Variants in RB1CC1 observed in about 807,000 individuals in gnomAD.
RB1CC1 encodes the protein RB1 inducible coiled-coil 1, also known as RB1-inducible coiled-coil protein 1.
A neutral mutation model predicts 177.5 loss-of-function variants in RB1CC1; 46 were observed. That is an observed-to-expected ratio of 0.26 (90% CI 0.20 to 0.33). The LOEUF (loss-of-function observed/expected upper bound fraction) is 0.33. Ranked by LOEUF, RB1CC1 falls within the 10% of genes least tolerant of loss-of-function variation. The probability of loss-of-function intolerance (pLI) is 1.00; values close to 1 mark genes in which losing one functional copy is unlikely to be tolerated. For missense variants in RB1CC1, 1,703 were observed against 1,816.3 expected, an observed-to-expected ratio of 0.94 and a Z score of 1.13; for synonymous variants, 666 against 613.6, an observed-to-expected ratio of 1.09 and a Z score of -1.26.
At chr8:52,663,762 G>A (rs539381625) in intron 8 of RB1CC1, among the ~76,000 whole-genome samples, 4 of 152,108 alleles carry the variant, frequency 2.6e-5, no homozygotes, top group Non-Finnish European at 4.4e-5. Flanking sequence ...CCAAAGACTA[G>A]ATAGAATTGT....
chr8:52,695,348 G>T (rs1855296184), intron 1 of RB1CC1, among the ~76,000 whole-genome samples: 1 of 152,250 alleles, frequency 6.6e-6, no homozygotes, highest in Non-Finnish European at 1.5e-5. Context: ...AACAGGCAGT[G>T]AAAAATTAAC....
rs755565238 is a variant in RB1CC1 at position 52,685,513 on chromosome 8, T to C, written c.-44A>G. 31 of 1,195,970 alleles carry C rather than the reference T, an allele frequency of 2.6e-5. No individual in the cohort carries two copies. Among genetic ancestry groups the C allele is most frequent in the Non-Finnish European group, 3.6e-5 (30 of 823,454 alleles). The allele number at this position is 1,195,970 out of a possible 1,614,324, so 74.1% of individuals were successfully genotyped here. On this transcript the variant is annotated 5_prime_UTR_variant, in exon 3 of 24. Coordinates refer to ENST00000025008, the MANE Select transcript of RB1CC1 (RefSeq NM_014781.5). Reference sequence around the variant, plus strand: ...TGTGAGCTTATACCTCACCCTCTGATACAGTTACTAGAAGAAACAAGAGAA... The same window carrying C: ...TGTGAGCTTATACCTCACCCTCTGACACAGTTACTAGAAGAAACAAGAGAA...
At chr8:52,675,361 G>T (rs924215480) in intron 6 of RB1CC1, among the ~76,000 whole-genome samples, 12 of 151,652 alleles carry the variant, frequency 7.9e-5, no homozygotes. Flanking sequence ...GCAAGGTCAA[G>T]ATAATTAAAA....
Position 52,657,707 on chromosome 8 carries a change from G to A in RB1CC1, c.2122C>T (p.Pro708Ser). The change falls in exon 15 of 24, where the codon CCA becomes TCA. Residue 708 changes from proline to serine, a missense_variant. Pro to Ser is a moderately conservative substitution (Grantham distance 74). Transcript: ENST00000025008. ...TGGTGAATAGTCTGTTCTATGTTTG[G>A]ATGGGGAATAGTTTCAAAATCAAAC... ...HTFDFETIPH[P>S]NIEQTIHQVS... 4 of 1,614,046 alleles carry A rather than the reference G, an allele frequency of 2.5e-6. No homozygotes were observed. Among genetic ancestry groups the A allele is most frequent in the Non-Finnish European group, 3.4e-6 (4 of 1,179,996 alleles).
intron 8 of RB1CC1, among the ~76,000 whole-genome samples, chr8:52,663,815 T>G (rs1027414889): frequency 6.6e-6 from 1 of 152,146 alleles, no homozygotes; most frequent in Non-Finnish European, 1.5e-5. Flanking sequence ...AAATTCTCAT[T>G]TTATTAAGTA....
At chr8:52,644,726 A>T (rs1479235430) in intron 16 of RB1CC1, among the ~76,000 whole-genome samples, 1 of 152,156 alleles carries the variant, frequency 6.6e-6, no homozygotes, top group Non-Finnish European at 1.5e-5. Context: ...AGAGGTTTCA[A>T]CTATACTTTA....
chr8:52,626,449 A>G (rs1400858314), intron 22 of RB1CC1, among the ~76,000 whole-genome samples: 1 of 147,852 alleles, frequency 6.8e-6, no homozygotes, highest in Non-Finnish European at 1.5e-5. Context: ...GTTCTGGGGG[A>G]AAAAAGTGTG....
chr8:52,708,463 G>A (rs1489727004), intron 1 of RB1CC1, among the ~76,000 whole-genome samples: 3 of 152,200 alleles, frequency 2.0e-5, no homozygotes, highest in Non-Finnish European at 4.4e-5. Context: ...CTTGCAGTAA[G>A]TTGAGATCAC....
chr8:52,628,214 C>A (rs761912124), intron 21 of RB1CC1, 46 bp from the exon 22 acceptor site: 1 of 1,556,452 alleles, frequency 6.4e-7, no homozygotes, highest in African/African-American at 1.4e-5. Flanking sequence ...TACTTTCAAT[C>A]CCCCTATTCT....
chr8:52,641,079 G>A (rs1348416199), intron 18 of RB1CC1, among the ~76,000 whole-genome samples: 2 of 151,896 alleles, frequency 1.3e-5, no homozygotes, highest in Non-Finnish European at 2.9e-5. Flanking sequence ...CCTTCTCACG[G>A]GTGCTCATTA....
chr8:52,706,987 G>A (rs1271884753), intron 1 of RB1CC1, among the ~76,000 whole-genome samples: 1 of 152,074 alleles, frequency 6.6e-6, no homozygotes, highest in Non-Finnish European at 1.5e-5. Context: ...AACATAAGAG[G>A]GAGAACAGAA....
intron 13 of RB1CC1, among the ~76,000 whole-genome samples, chr8:52,658,439 T>C (rs1001550173): frequency 6.6e-6 from 1 of 151,942 alleles, no homozygotes; most frequent in Admixed American, 6.5e-5. Flanking sequence ...TAGCAGGGCA[T>C]GGTGGTGGGC....
chr8:52,661,049 T>C (rs372541884), intron 10 of RB1CC1, 42 bp from the exon 11 acceptor site: 121 of 1,610,794 alleles, frequency 7.5e-5, no homozygotes, highest in Non-Finnish European at 1.0e-4. Context: ...CATACACCAA[T>C]TCGTTAAAGT....
chr8:52,630,595 A>AT, intron 20 of RB1CC1, 67 bp from the exon 21 acceptor site: 1 of 1,486,822 alleles, frequency 6.7e-7, no homozygotes, highest in Non-Finnish European at 8.9e-7. Context: ...TACTGCAAAA[A>AT]TTTCACCCAC....
Position 52,714,064 on chromosome 8 carries a change from G to A in RB1CC1, c.-167+11C>T, listed in dbSNP as rs1591177671. The A allele has an allele frequency of 5.7e-6, 2 of 352,770 alleles. No individual in the cohort carries two copies. Among genetic ancestry groups the A allele is most frequent in the Non-Finnish European group, 1.1e-5 (2 of 176,768 alleles). 21.9% of individuals were successfully genotyped at this position (352,770 alleles called of 1,614,324 possible). ...ATGGGGGAAGGGGACGCGGGCGGCG[G>A]CGACACTTACCCGGCAACGCCTCCT... On this transcript the variant is annotated intron_variant, in intron 1 of 23. Coordinates refer to ENST00000025008, the MANE Select transcript of RB1CC1 (RefSeq NM_014781.5).
chr8:52,659,610 T>C (rs564648424), intron 12 of RB1CC1, among the ~76,000 whole-genome samples: 2 of 152,116 alleles, frequency 1.3e-5, no homozygotes, highest in East Asian at 1.9e-4. Context: ...CTCGGATAAA[T>C]AAGTATGGGA....
chr8:52,698,613 G>A (rs1035919231), intron 1 of RB1CC1, among the ~76,000 whole-genome samples: 2 of 146,516 alleles, frequency 1.4e-5, no homozygotes, highest in Admixed American at 1.4e-4. Context: ...CGCCTGGCCA[G>A]AGAATAACTT....
Position 52,630,450 on chromosome 8 carries a change from C to A in RB1CC1, c.4499+20G>T. The A allele has an allele frequency of 6.4e-7, 1 of 1,554,720 alleles. No homozygotes were observed. The highest frequency in any genetic ancestry group is 8.7e-7 in the Non-Finnish European group (1 of 1,154,538). On this transcript the variant is annotated intron_variant, in intron 21 of 23. Transcript: ENST00000025008. ...TGAATGTTTTTCACAGAAAAATACT[C>A]ACAAAACTAAAATACTTACTCTCTA...
intron 18 of RB1CC1, among the ~76,000 whole-genome samples, chr8:52,641,525 G>A (rs926055558): frequency 2.0e-5 from 3 of 152,070 alleles, no homozygotes; most frequent in African/African-American, 7.2e-5. Flanking sequence ...ACTTGCTCAA[G>A]TTCCCAAGCA....
Sources: gnomAD v4.1 joint callset for allele counts (sites outside exome capture counted in the v4.1 genomes callset) on GRCh38, gnomAD v4.1.1 for gene constraint, MANE v1.5 for transcripts, NCBI Gene and HGNC (gene_info 2026-07-23, HGNC 2026-07-21) for gene names.